Variants in GID4 observed in about 807,000 individuals in gnomAD.
GID4 encodes the protein glucose-induced degradation protein 4 homolog.
In GID4, 7 loss-of-function variants were observed where a neutral mutation model predicts 32.4. The ratio of observed to expected loss-of-function variants is 0.22; its 90% CI spans 0.12 to 0.41. GID4 has a LOEUF of 0.41. Ranked by LOEUF, GID4 falls within the 10% of genes least tolerant of loss-of-function variation. The pLI, the probability that GID4 is intolerant of heterozygous loss-of-function variation, is 1.00. For missense variants in GID4, 309 were observed against 400.0 expected, an observed-to-expected ratio of 0.77 and a Z score of 1.94; for synonymous variants, 166 against 170.0, an observed-to-expected ratio of 0.98 and a Z score of 0.18.
intron 5 of GID4, among the ~76,000 whole-genome samples, chr17:18,063,350 C>T (rs1249215859): frequency 4.0e-5 from 6 of 151,896 alleles, no homozygotes; most frequent in African/African-American, 7.3e-5. Flanking sequence ...GCGGAGGTTG[C>T]GGTGGGCCGA....
At chr17:18,059,053 C>T in intron 4 of GID4, 84 bp downstream of exon 4, 1 of 761,100 alleles carries the variant, frequency 1.3e-6, no homozygotes, top group Non-Finnish European at 2.3e-6. Flanking sequence ...ACCAAGGGCT[C>T]CCCATGTCCA....
chr17:18,051,965 T>A (rs1173928774), intron 2 of GID4, among the ~76,000 whole-genome samples: 1 of 151,248 alleles, frequency 6.6e-6, no homozygotes, highest in Non-Finnish European at 1.5e-5. Context: ...TCCCAGCTAC[T>A]TGGGAGGCTG....
intron 2 of GID4, among the ~76,000 whole-genome samples, chr17:18,045,872 A>G (rs1489319440): frequency 1.3e-5 from 2 of 151,310 alleles, no homozygotes; most frequent in Non-Finnish European, 2.9e-5. Flanking sequence ...AACCTGGGCA[A>G]CAGAGCAAGA....
At chr17:18,042,423 C>T (rs9895191) in intron 1 of GID4, among the ~76,000 whole-genome samples, 1,861 of 152,278 alleles carry the variant, frequency 0.012, 33 homozygotes, top group African/African-American at 0.041. Flanking sequence ...AGATTGGCTT[C>T]CTTCACTTAG....
intron 4 of GID4, among the ~76,000 whole-genome samples, chr17:18,060,584 ACT>A (rs1181041599): frequency 6.6e-6 from 1 of 151,678 alleles, no homozygotes; most frequent in Middle Eastern, 3.2e-3. Context: ...ACGGAATCTC[ACT>A]CTGTTGCCCA....
chr17:18,040,373 C>T (rs1052208117), intron 1 of GID4, among the ~76,000 whole-genome samples: 1 of 152,238 alleles, frequency 6.6e-6, no homozygotes, highest in African/African-American at 2.4e-5. Flanking sequence ...CCTGCCCCTT[C>T]CTCAGTTCCA....
At chr17:18,049,978 A>G (rs2044894384) in intron 2 of GID4, among the ~76,000 whole-genome samples, 1 of 152,082 alleles carries the variant, frequency 6.6e-6, no homozygotes, top group Non-Finnish European at 1.5e-5. Context: ...TAAGGGCAGT[A>G]TTTGGTTTTC....
At chr17:18,045,342 A>C (rs2044842611) in intron 2 of GID4, 136 bp downstream of exon 2, 1 of 569,042 alleles carries the variant, frequency 1.8e-6, no homozygotes, top group African/African-American at 1.8e-5. Flanking sequence ...GCTACTGTAT[A>C]GGGAACATAA....
At position 18,061,314 on chromosome 17, in the gene GID4, G is replaced by A. The variant is rs111967638; in HGVS notation, c.709-531G>A. ...AAGGTCCCTGGTAAAGAACAGTACCGTTCTGACTGCTTTTGACAAGGCGTC... is the reference window on the plus strand; with the variant it reads ...AAGGTCCCTGGTAAAGAACAGTACCATTCTGACTGCTTTTGACAAGGCGTC... On this transcript the variant is annotated intron_variant, in intron 4 of 5. Transcript: ENST00000268719. This position sits in a 1 kb window ranked among gnomAD's most constrained non-coding sequence, Gnocchi z 4.4. Among the ~76,000 whole-genome samples the A allele has an allele frequency of 4.8e-3, 733 of 152,270 alleles. 6 individuals carry two copies. The highest frequency in any genetic ancestry group is 0.017 in the African/African-American group (705 of 41,550).
intron 3 of GID4, among the ~76,000 whole-genome samples, chr17:18,056,177 A>G (rs1022175818): frequency 9.9e-5 from 15 of 152,204 alleles, no homozygotes; most frequent in South Asian, 4.1e-4. Context: ...TTACTTGAGT[A>G]AAAAAAGGAG....
intron 2 of GID4, among the ~76,000 whole-genome samples, chr17:18,050,493 C>T (rs1194447924): frequency 6.6e-6 from 1 of 152,232 alleles, no homozygotes; most frequent in East Asian, 1.9e-4. Flanking sequence ...GGGCCATGGG[C>T]AGGCCCCCCA....
In GID4 at chr17:18,039,525, C is replaced by A; in HGVS notation, c.61C>A (p.Gln21Lys). The A allele has an allele frequency of 7.6e-7, 1 of 1,310,166 alleles. No individual in the cohort carries two copies. The highest frequency in any genetic ancestry group is 4.1e-5 in the Admixed American group (1 of 24,224). The allele number at this position is 1,310,166 out of a possible 1,614,324, so 81.2% of individuals were successfully genotyped here. Reference protein sequence around the residue: ...TQLRTGRPCSQVPGSRWRPER... With the variant: ...TQLRTGRPCSKVPGSRWRPER... ...GCTCAGGACTGGGAGGCCCTGCTCG[C>A]AGGTCCCTGGGTCCCGGTGGCGGCC... is the stretch of plus-strand genomic sequence containing the variant. The change falls in exon 1 of 6, where the codon CAG becomes AAG. Residue 21 changes from glutamine to lysine, a missense_variant. Physicochemically the swap from Gln to Lys is moderately conservative, Grantham distance 53. Around this residue, in one of 2 missense-constraint regions of GID4, gnomAD observed 193 missense variants for 185.8 expected, o/e 1.04. Coordinates refer to ENST00000268719, the MANE Select transcript of GID4 (RefSeq NM_024052.5). This position sits in a 1 kb window ranked among gnomAD's most constrained non-coding sequence, Gnocchi z 5.3.
intron 2 of GID4, 96 bp from the exon 3 acceptor site, chr17:18,054,031 C>T (rs112353366): frequency 4.9e-5 from 32 of 652,642 alleles, no homozygotes; most frequent in African/African-American, 1.6e-4. Context: ...TGTCTAGGTA[C>T]TGGAAAGAAG....
chr17:18,058,778 A>T, intron 3 of GID4, 90 bp from the exon 4 acceptor site: 1 of 796,886 alleles, frequency 1.3e-6, no homozygotes, highest in Non-Finnish European at 2.2e-6. Flanking sequence ...ATGCCTTGGG[A>T]AGGTGAGTTT....
At chr17:18,060,710 G>A (rs1288430095) in intron 4 of GID4, among the ~76,000 whole-genome samples, 3 of 151,184 alleles carry the variant, frequency 2.0e-5, no homozygotes, top group Non-Finnish European at 4.4e-5. Context: ...GTACCACCAC[G>A]CCTGGCTAAT....
intron 2 of GID4, among the ~76,000 whole-genome samples, chr17:18,049,169 C>G (rs542607843): frequency 1.5e-4 from 22 of 151,366 alleles, no homozygotes; most frequent in African/African-American, 5.1e-4. Context: ...AACCCCATCT[C>G]TACTAAAAAT....
At position 18,065,390 on chromosome 17, in the gene GID4, C is replaced by A; in HGVS notation, c.*147C>A. On this transcript the variant is annotated 3_prime_UTR_variant, in exon 6 of 6. Transcript: ENST00000268719. ...ATCACAAAGCATGAATGTTAACCCA[C>A]AGAATCCAAGGAGCATGGCTGGCCC... The A allele has an allele frequency of 1.5e-6, 1 of 687,750 alleles. No individual in the cohort carries two copies. Among genetic ancestry groups the A allele is most frequent in the Non-Finnish European group, 2.6e-6 (1 of 387,158 alleles). 42.6% of individuals were successfully genotyped at this position (687,750 alleles called of 1,614,324 possible).
intron 1 of GID4, among the ~76,000 whole-genome samples, chr17:18,043,335 G>A (rs2044821514): frequency 6.6e-6 from 1 of 152,182 alleles, no homozygotes; most frequent in Non-Finnish European, 1.5e-5. Flanking sequence ...CATGCAAAAT[G>A]TTAGCCAATT....
rs1266481490 is a variant in GID4, at chr17:18,039,662, G to A, written c.198G>A (p.Ala66=). The A allele has an allele frequency of 7.4e-7, 1 of 1,357,996 alleles. No individual in the cohort carries two copies. Among genetic ancestry groups the A allele is most frequent in the Non-Finnish European group, 9.5e-7 (1 of 1,056,196 alleles). The allele number at this position is 1,357,996 out of a possible 1,614,324, so 84.1% of individuals were successfully genotyped here. ...CCACCCTCCTCGGCTCCCGCGCGGC[G>A]GCGGCGGTTCCTCTCCCACTCCCCC... The part of the protein sequence containing the change: ...LPATLLGSRA[A]AAVPLPLPPA... The change falls in exon 1 of 6, where the codon GCG becomes GCA. Residue 66 remains alanine (A), a synonymous_variant. Transcript: ENST00000268719. The surrounding 1 kb of genome is among the most constrained non-coding windows in gnomAD (Gnocchi z 5.3).
Sources: allele counts gnomAD v4.1 joint callset (sites outside exome capture counted in the v4.1 genomes callset), GRCh38; gene constraint gnomAD v4.1.1; regional missense constraint gnomAD v4.1.1; non-coding constraint Gnocchi (gnomAD v3.1); transcripts MANE v1.5; gene names NCBI Gene and HGNC (gene_info 2026-07-23, HGNC 2026-07-21).